The following LAMC2 variants were observed in gnomAD, a reference collection of about 807,000 sequenced individuals.
The protein encoded by LAMC2 is laminin subunit gamma 2.
Under a neutral mutation model 140.2 loss-of-function variants are expected in LAMC2, and 97 were observed. That is an observed-to-expected ratio of 0.69 (90% CI 0.59 to 0.82). LAMC2 has a LOEUF of 0.82. Ranked by LOEUF, LAMC2 falls within the 40% of genes least tolerant of loss-of-function variation. LAMC2 has a pLI of 0.00. For missense variants in LAMC2, 1,402 were observed against 1,476.1 expected (o/e 0.95, Z 0.82); for synonymous variants, 513 against 540.2 (o/e 0.95, Z 0.70).
intron 1 of LAMC2, among the ~76,000 whole-genome samples, chr1:183,205,474 C>T (rs974521403): frequency 1.3e-5 from 2 of 152,044 alleles, no homozygotes; most frequent in African/African-American, 4.8e-5. Context: ...TAGTCTTTGC[C>T]CATGGGATAA....
rs1252263071 is a variant in LAMC2 at position 183,228,507 on chromosome 1, G to A, written c.1602G>A (p.Leu534=). The change falls in exon 11 of 23, where the codon CTG becomes CTA. Residue 534 remains leucine, a synonymous_variant. Coordinates refer to ENST00000264144, the MANE Select transcript of LAMC2 (RefSeq NM_005562.3). The surrounding 1 kb of genome is among the most constrained non-coding windows in gnomAD (Gnocchi z 4.3). ...GTGCCTCTGGGAATTGTGACCGGCT[G>A]ACAGGCAGGTGTTTGAAGTGTATCC... ...DPSASGNCDR[L]TGRCLKCIHN... 1 of 1,613,850 alleles carries A rather than the reference G, an allele frequency of 6.2e-7. No homozygotes were observed. Among genetic ancestry groups the A allele is most frequent in the African/African-American group, 1.3e-5 (1 of 74,848 alleles).
rs747119147 is a variant in LAMC2 at position 183,240,384 on chromosome 1, T to A, written c.3321T>A (p.His1107Gln). Residue 1107 changes from histidine (H) to glutamine (Q), a missense_variant, in exon 22 of 23, where the codon CAT (histidine) becomes CAA (glutamine). Around this residue, in one of 3 missense-constraint regions of LAMC2, gnomAD observed 670 missense variants for 667.2 expected, o/e 1.00. Coordinates refer to ENST00000264144, the MANE Select transcript of LAMC2 (RefSeq NM_005562.3). ...TCAACACATTAGACGGCCTCCTGCA[T>A]CTGATGGGTATGTGAACCCACAACC... Reference protein sequence around the residue: ...DTLNTLDGLLHLMDQPLSVDE... With the variant: ...DTLNTLDGLLQLMDQPLSVDE... 6 of 1,614,068 alleles carry A rather than the reference T, an allele frequency of 3.7e-6. No homozygotes were observed. The highest frequency in any genetic ancestry group is 5.1e-6 in the Non-Finnish European group (6 of 1,180,018).
Position 183,228,588 on chromosome 1 carries a change from A to G in LAMC2, c.1683A>G (p.Pro561=), listed in dbSNP as rs747468289. The change falls in exon 11 of 23, where the codon CCA becomes CCG. Residue 561 remains proline, a synonymous_variant. Coordinates refer to ENST00000264144, the MANE Select transcript of LAMC2 (RefSeq NM_005562.3). This position sits in a 1 kb window ranked among gnomAD's most constrained non-coding sequence, Gnocchi z 4.3. ...DQCKAGYFGD[P]LAPNPADKCR... The stretch of plus-strand genomic sequence containing the variant: ...GCAAAGCAGGCTACTTCGGGGACCC[A>G]TTGGCTCCCAACCCAGCAGACAAGT... 1.2e-6 allele frequency: 2 copies of G among 1,614,086 alleles called. No homozygotes were observed. Among genetic ancestry groups the G allele is most frequent in the South Asian group, 2.2e-5 (2 of 91,066 alleles).
At position 183,207,926 on chromosome 1, in the gene LAMC2, A is replaced by G. The variant is rs765078128; in HGVS notation, c.125A>G (p.Glu42Gly). The stretch of plus-strand genomic sequence containing the variant: ...TCCAGGCAGTGTATCTTTGATCGGG[A>G]ACTTCACAGACAAACTGGTAATGGA... ...GKSRQCIFDR[E>G]LHRQTGNGFR... Residue 42 changes from glutamate (E) to glycine (G), a missense_variant, in exon 2 of 23, where the codon GAA becomes GGA. Glu to Gly is a moderately conservative substitution (Grantham distance 98). This residue lies in a region of LAMC2 where 723 missense variants were observed against 783.3 expected (regional missense o/e 0.92). Coordinates refer to ENST00000264144, the MANE Select transcript of LAMC2 (RefSeq NM_005562.3). 1 of 1,611,250 alleles carries G rather than the reference A, an allele frequency of 6.2e-7. No homozygotes were observed. The highest frequency in any genetic ancestry group is 8.5e-7 in the Non-Finnish European group (1 of 1,179,722).
At chr1:183,223,034 A>T in intron 6 of LAMC2, 101 bp from the exon 7 acceptor site, 1 of 1,042,288 alleles carries the variant, frequency 9.6e-7, no homozygotes, top group Non-Finnish European at 1.5e-6. Flanking sequence ...GCAGCATGAC[A>T]CAGGACTTCA....
intron 22 of LAMC2, 117 bp downstream of exon 22, chr1:183,240,508 T>C: frequency 2.0e-6 from 3 of 1,491,110 alleles, no homozygotes; most frequent in African/African-American, 1.4e-5. Context: ...AGGATATCAG[T>C]AAATGTGCTT....
chr1:183,222,027 T>C (rs540778552), intron 5 of LAMC2, 62 bp from the exon 6 acceptor site: 35 of 1,608,666 alleles, frequency 2.2e-5, no homozygotes, highest in Middle Eastern at 3.3e-4. Flanking sequence ...AAATCTTTCT[T>C]TGTTTAACTT....
intron 12 of LAMC2, 26 bp downstream of exon 12, chr1:183,231,129 C>G (rs1224121709): frequency 1.2e-6 from 2 of 1,613,754 alleles, no homozygotes; most frequent in Non-Finnish European, 1.7e-6. Context: ...CTTACCACCC[C>G]CAACCCCACA....
chr1:183,230,930 T>C, intron 11 of LAMC2, 31 bp from the exon 12 acceptor site: 4 of 1,613,782 alleles, frequency 2.5e-6, no homozygotes, highest in African/African-American at 1.3e-5. Flanking sequence ...ACTAGTTTGA[T>C]GTGAATGCTC....
chr1:183,195,804 G>GT (rs1230660885), intron 1 of LAMC2, among the ~76,000 whole-genome samples: 1 of 86,628 alleles, frequency 1.2e-5, no homozygotes, highest in African/African-American at 3.6e-5. Flanking sequence ...TTCAAGGCCA[G>GT]TTTAAATGAT....
At chr1:183,213,059 T>C (rs1011249473) in intron 2 of LAMC2, among the ~76,000 whole-genome samples, 23 of 151,678 alleles carry the variant, frequency 1.5e-4, no homozygotes, top group African/African-American at 4.8e-4. Context: ...TGCTCTAGAG[T>C]TCTCTTTCTA....
chr1:183,234,962 G>C (rs970114003), intron 15 of LAMC2, among the ~76,000 whole-genome samples: 1 of 152,206 alleles, frequency 6.6e-6, no homozygotes. Flanking sequence ...AGGTTTGCTG[G>C]TAGCGGTCTG....
At chr1:183,187,071 G>A (rs1171617255) in intron 1 of LAMC2, among the ~76,000 whole-genome samples, 1 of 152,208 alleles carries the variant, frequency 6.6e-6, no homozygotes, top group East Asian at 1.9e-4. Flanking sequence ...AAAACTTTGT[G>A]AGAACCTAGC....
chr1:183,253,915 G>A, the LAMC2 span, among the ~76,000 whole-genome samples: 1 of 136,650 alleles, frequency 7.3e-6, no homozygotes, highest in African/African-American at 3.3e-5. Flanking sequence ...GTGTGTGTGT[G>A]TGTGTGTGTG....
chr1:183,245,503 C>T (rs1485493485), downstream of LAMC2, among the ~76,000 whole-genome samples: 1 of 152,182 alleles, frequency 6.6e-6, no homozygotes, highest in African/African-American at 2.4e-5. Context: ...TCTAAGGTTG[C>T]CTGGGGGATG....
chr1:183,235,818 A>G (rs765737496), intron 16 of LAMC2, 88 bp downstream of exon 16: 124 of 1,364,468 alleles, frequency 9.1e-5, no homozygotes, highest in Middle Eastern at 2.4e-4. Context: ...GCACCATGCT[A>G]GTTGTAAAAA....
In LAMC2 at chr1:183,228,936, A is replaced by G. The variant is rs1267576476; in HGVS notation, c.1714+317A>G. 6.6e-6 allele frequency among the ~76,000 whole-genome samples: 1 copy of G among 152,234 alleles called. No individual in the cohort carries two copies. The highest frequency in any genetic ancestry group is 1.5e-5 in the Non-Finnish European group (1 of 68,034). On this transcript the variant is annotated intron_variant, in intron 11 of 22. Coordinates refer to ENST00000264144, the MANE Select transcript of LAMC2 (RefSeq NM_005562.3). The surrounding 1 kb of genome is among the most constrained non-coding windows in gnomAD (Gnocchi z 4.3). ...ATGCCCAATCCCAAGGCAGGGAGGC[A>G]GGGAAGTGGCTGCCAAACCTGTTGT...
chr1:183,248,915 T>A (rs977317070), downstream of LAMC2: 17 of 152,830 alleles, frequency 1.1e-4, no homozygotes, highest in Non-Finnish European at 2.2e-4. Context: ...TGTGTGTGTG[T>A]GTGTGTGTGT....
rs2102229974 is a variant in LAMC2, at chr1:183,226,691, A to G, written c.1067-7A>G. The G allele has an allele frequency of 6.2e-7, 1 of 1,613,058 alleles. No individual in the cohort carries two copies. ...TTGCAACTTCTAACCTGTTCTCTCGATTGCAGGTACTGGGTACATTGACAA... is the reference window on the plus strand; with the variant it reads ...TTGCAACTTCTAACCTGTTCTCTCGGTTGCAGGTACTGGGTACATTGACAA... On this transcript the variant is annotated splice_polypyrimidine_tract_variant and splice_region_variant and intron_variant, in intron 8 of 22. Coordinates refer to ENST00000264144, the MANE Select transcript of LAMC2 (RefSeq NM_005562.3).
Sources: allele counts gnomAD v4.1 joint callset (sites outside exome capture counted in the v4.1 genomes callset), GRCh38; gene constraint gnomAD v4.1.1; regional missense constraint gnomAD v4.1.1; non-coding constraint Gnocchi (gnomAD v3.1); transcripts MANE v1.5; gene names NCBI Gene and HGNC (gene_info 2026-07-23, HGNC 2026-07-21).